Variants in LIPC observed in about 807,000 individuals in gnomAD.
The protein encoded by LIPC is hepatic triacylglycerol lipase.
LIPC carries 44 observed loss-of-function variants against 50.7 expected under a neutral mutation model. That is an observed-to-expected ratio of 0.87 (90% CI 0.68 to 1.11). LIPC has a LOEUF of 1.11. LIPC is among the 50% of genes most tolerant of loss of function. The pLI is 0.00. For synonymous variants in LIPC, 271 were observed against 256.4 expected (o/e 1.06, Z -0.54); for missense variants, 697 against 648.2 (o/e 1.08, Z -0.82).
At chr15:58,496,864 T>C (rs1282427915) in intron 1 of LIPC, among the ~76,000 whole-genome samples, 1 of 151,950 alleles carries the variant, frequency 6.6e-6, no homozygotes, top group Non-Finnish European at 1.5e-5. Flanking sequence ...TTTGTATTTT[T>C]AGTAGAGATA....
At chr15:58,500,471 G>C (rs1328145976) in intron 1 of LIPC, among the ~76,000 whole-genome samples, 1 of 152,132 alleles carries the variant, frequency 6.6e-6, no homozygotes, top group Non-Finnish European at 1.5e-5. Context: ...CATTTAACCA[G>C]CACAAAACTG....
At chr15:58,518,743 C>T (rs1391692779) in intron 1 of LIPC, among the ~76,000 whole-genome samples, 1 of 152,156 alleles carries the variant, frequency 6.6e-6, no homozygotes, top group African/African-American at 2.4e-5. Context: ...AATCTACTAA[C>T]TCGAAGTTCA....
At chr15:58,565,739 C>A in intron 8 of LIPC, 1 of 994,176 alleles carries the variant, frequency 1.0e-6, no homozygotes, top group Non-Finnish European at 1.2e-6. Context: ...TGAATTTTCT[C>A]AGTCTAATCT....
At chr15:58,550,103 A>T (rs1893691525) in intron 6 of LIPC, among the ~76,000 whole-genome samples, 1 of 152,198 alleles carries the variant, frequency 6.6e-6, no homozygotes, top group South Asian at 2.1e-4. Flanking sequence ...TTGTCCAGAG[A>T]CAAAAAGCTC....
At chr15:58,506,363 G>A (rs1307549476) in intron 1 of LIPC, among the ~76,000 whole-genome samples, 2 of 152,074 alleles carry the variant, frequency 1.3e-5, no homozygotes, top group African/African-American at 4.8e-5. Flanking sequence ...ACATTGAACG[G>A]GCTCAGTTCT....
chr15:58,548,496 C>T lies in LIPC; in HGVS notation c.975C>T (p.Gly325=). The change falls in exon 6 of 9, where the codon GGC becomes GGT. Residue 325 remains glycine (G), a synonymous_variant. Coordinates refer to ENST00000299022, the MANE Select transcript of LIPC (RefSeq NM_000236.3). ...AGAAGGGCCGCTGCAACACGCTGGG[C>T]TACCACGTCCGCCAGGAGCCGCGGA... ...SCKKGRCNTL[G]YHVRQEPRSK... 6.2e-7 allele frequency: 1 copy of T among 1,608,080 alleles called. No individual in the cohort carries two copies. Among genetic ancestry groups the T allele is most frequent in the South Asian group, 1.1e-5 (1 of 90,328 alleles).
chr15:58,490,165 A>T (rs1429432861), intron 1 of LIPC, among the ~76,000 whole-genome samples: 7 of 152,204 alleles, frequency 4.6e-5, no homozygotes, highest in African/African-American at 1.7e-4. Context: ...ACTTGCTAAA[A>T]GGTCACATGA....
Position 58,565,557 on chromosome 15 carries a change from T to C in LIPC, c.1388+1834T>C, listed in dbSNP as rs1349290715. 1.2e-5 allele frequency: 15 copies of C among 1,204,718 alleles called. No homozygotes were observed. In the East Asian group the frequency reaches 3.5e-4, roughly 28 times the overall value. The allele number at this position is 1,204,718 out of a possible 1,614,324, so 74.6% of individuals were successfully genotyped here. ...TGCTGTGATCCTGAAATGGGTAGTA[T>C]TGGCTGTGCAGATTAGGAACCTGAG... On this transcript the variant is annotated intron_variant, in intron 8 of 8. Transcript: ENST00000299022.
chr15:58,463,781 C>T (rs1047544343), intron 1 of LIPC, among the ~76,000 whole-genome samples: 3 of 152,186 alleles, frequency 2.0e-5, no homozygotes, highest in African/African-American at 7.2e-5. Flanking sequence ...CTCAACCTCT[C>T]TGCTCATCAA....
chr15:58,536,882 A>G (rs1893141063), intron 1 of LIPC, among the ~76,000 whole-genome samples: 2 of 152,334 alleles, frequency 1.3e-5, no homozygotes, highest in South Asian at 4.1e-4. Context: ...TGGTTTCATT[A>G]ACACCTCCCC....
At chr15:58,461,906 A>C in intron 1 of LIPC, among the ~76,000 whole-genome samples, 6 of 147,466 alleles carry the variant, frequency 4.1e-5, no homozygotes, top group Admixed American at 2.0e-4. Context: ...ACCCCTCCAC[A>C]CCTGCCTCGT....
At chr15:58,448,196 A>C (rs943190425) in intron 1 of LIPC, among the ~76,000 whole-genome samples, 2 of 152,214 alleles carry the variant, frequency 1.3e-5, no homozygotes, top group Non-Finnish European at 2.9e-5. Flanking sequence ...GACTTTGGAT[A>C]AATCACTCTC....
At chr15:58,484,480 C>T (rs1031814729) in intron 1 of LIPC, among the ~76,000 whole-genome samples, 6 of 152,246 alleles carry the variant, frequency 3.9e-5, no homozygotes, top group Admixed American at 3.9e-4. Flanking sequence ...TTCTACAGCA[C>T]CTACTATGGG....
chr15:58,565,540 T>C, intron 8 of LIPC: 1 of 1,268,916 alleles, frequency 7.9e-7, no homozygotes, highest in Non-Finnish European at 1.0e-6. Flanking sequence ...TTTGCTGTGA[T>C]CCTGAAATGG....
At chr15:58,541,696 C>T in intron 2 of LIPC, 89 bp from the exon 3 acceptor site, 1 of 1,323,284 alleles carries the variant, frequency 7.6e-7, no homozygotes, top group Non-Finnish European at 1.1e-6. Flanking sequence ...GCAAGCCCTT[C>T]CTCCAGCATT....
At chr15:58,492,773 C>T (rs1378601029) in intron 1 of LIPC, among the ~76,000 whole-genome samples, 3 of 152,230 alleles carry the variant, frequency 2.0e-5, no homozygotes, top group East Asian at 1.9e-4. Context: ...ACTCACCCCC[C>T]TCCTTAAACC....
chr15:58,511,562 C>T (rs1396815056), intron 1 of LIPC, among the ~76,000 whole-genome samples: 2 of 152,190 alleles, frequency 1.3e-5, no homozygotes, highest in African/African-American at 4.8e-5. Flanking sequence ...TGGTAAAACC[C>T]ACTATGTCCA....
At chr15:58,436,708 C>A in intron 1 of LIPC, 1 of 456,028 alleles carries the variant, frequency 2.2e-6, no homozygotes, top group South Asian at 1.5e-5. Flanking sequence ...GAGATGAGGA[C>A]CATGAGAGAG....
intron 1 of LIPC, among the ~76,000 whole-genome samples, chr15:58,490,336 G>A (rs1891543105): frequency 6.6e-6 from 1 of 152,174 alleles, no homozygotes; most frequent in African/African-American, 2.4e-5. Flanking sequence ...TGCCAGGAAA[G>A]AAAGAACGTT....
Sources: gnomAD v4.1 joint callset for allele counts (sites outside exome capture counted in the v4.1 genomes callset) on GRCh38, gnomAD v4.1.1 for gene constraint, MANE v1.5 for transcripts, NCBI Gene and HGNC (gene_info 2026-07-23, HGNC 2026-07-21) for gene names.